The following RABGAP1L variants were observed in gnomAD, a reference collection of about 807,000 sequenced individuals.
RABGAP1L encodes RAB GTPase activating protein 1 like, also known as rab GTPase-activating protein 1-like.
In RABGAP1L, 63 loss-of-function variants were observed where a neutral mutation model predicts 137.7. The observed-to-expected ratio is 0.46, with a 90% confidence interval of 0.37 to 0.56. The LOEUF is 0.56. Among genes scored for constraint, RABGAP1L ranks in the 20% least tolerant of loss-of-function variants. The pLI, the probability that RABGAP1L is intolerant of heterozygous loss-of-function variation, is 0.00. For missense variants in RABGAP1L, 1,095 were observed against 1,244.0 expected (o/e 0.88, Z 1.80); for synonymous variants, 431 against 433.7 (o/e 0.99, Z 0.08).
chr1:174,218,075 A>G (rs1669474776), intron 1 of RABGAP1L, among the ~76,000 whole-genome samples: 1 of 152,044 alleles, frequency 6.6e-6, no homozygotes, highest in South Asian at 2.1e-4. Context: ...CCTCTATCAC[A>G]TTACTCATTT....
At chr1:174,442,244 C>T (rs1457695429) in intron 13 of RABGAP1L, among the ~76,000 whole-genome samples, 2 of 93,910 alleles carry the variant, frequency 2.1e-5, no homozygotes, top group Non-Finnish European at 3.8e-5. Flanking sequence ...TTTTCTTGTA[C>T]TAGAGAATAT....
At chr1:174,305,270 A>G in intron 11 of RABGAP1L, 143 bp downstream of exon 11, 1 of 848,566 alleles carries the variant, frequency 1.2e-6, no homozygotes, top group Non-Finnish European at 1.6e-6. Flanking sequence ...CAAGGTGCAG[A>G]AAAGAATTTG....
At chr1:174,917,212 T>C (rs139819826) in intron 19 of RABGAP1L, among the ~76,000 whole-genome samples, 1 of 152,078 alleles carries the variant, frequency 6.6e-6, no homozygotes, top group East Asian at 1.9e-4. Context: ...AGTATCTCAG[T>C]GTGGGAGTGG....
At chr1:174,618,265 G>T (rs567181143) in intron 13 of RABGAP1L, among the ~76,000 whole-genome samples, 6 of 152,188 alleles carry the variant, frequency 3.9e-5, no homozygotes, top group Admixed American at 1.3e-4. Flanking sequence ...AGACTTAAAT[G>T]TCCCTGTCTG....
At chr1:174,619,587 G>A (rs996117335) in intron 13 of RABGAP1L, among the ~76,000 whole-genome samples, 1 of 152,190 alleles carries the variant, frequency 6.6e-6, no homozygotes, top group Non-Finnish European at 1.5e-5. Context: ...ACAAGCAAAT[G>A]CTGAGAGATT....
intron 13 of RABGAP1L, among the ~76,000 whole-genome samples, chr1:174,580,198 A>G (rs1668632851): frequency 6.6e-6 from 1 of 152,242 alleles, no homozygotes; most frequent in Admixed American, 6.5e-5. Context: ...TGAAAAGGCA[A>G]TCTAGAGAAG....
At chr1:174,254,677 T>C (rs1672974248) in intron 7 of RABGAP1L, among the ~76,000 whole-genome samples, 2 of 152,238 alleles carry the variant, frequency 1.3e-5, no homozygotes, top group Admixed American at 6.5e-5. Context: ...TCATTCTTTT[T>C]TATGGCTGCA....
chr1:174,798,089 A>G (rs1688409660), intron 18 of RABGAP1L, among the ~76,000 whole-genome samples: 2 of 152,010 alleles, frequency 1.3e-5, no homozygotes, highest in Non-Finnish European at 2.9e-5. Flanking sequence ...AGCTGGGAAT[A>G]CAGGCACACA....
At chr1:174,637,531 C>G (rs767619426) in intron 14 of RABGAP1L, 43 bp downstream of exon 14, 7 of 1,406,170 alleles carry the variant, frequency 5.0e-6, no homozygotes, top group Non-Finnish European at 6.0e-6. Flanking sequence ...TTTTACAGAG[C>G]TATATTTTAG....
chr1:174,905,852 A>G (rs980755114), intron 19 of RABGAP1L, among the ~76,000 whole-genome samples: 1 of 152,068 alleles, frequency 6.6e-6, no homozygotes, highest in Non-Finnish European at 1.5e-5. Flanking sequence ...CTCTGTCTAA[A>G]AAAAGAAAAA....
chr1:174,783,707 C>CTTTTTTTTTTTTTTTTTTT (rs34367315), intron 18 of RABGAP1L, among the ~76,000 whole-genome samples: 4 of 102,476 alleles, frequency 3.9e-5, no homozygotes, highest in Non-Finnish European at 5.8e-5. Context: ...TCTTCTTCTT[C>CTTTTTTTTTTTTTTTTTTT]TTTTTTTTTT....
intron 11 of RABGAP1L, among the ~76,000 whole-genome samples, chr1:174,350,037 G>A (rs1682963917): frequency 6.4e-5 from 8 of 125,054 alleles, no homozygotes; most frequent in Non-Finnish European, 1.2e-4. Flanking sequence ...AGGGGCGGCC[G>A]GGCAGAGGCG....
At chr1:174,238,412 G>A (rs1342899426) in intron 4 of RABGAP1L, among the ~76,000 whole-genome samples, 1 of 152,010 alleles carries the variant, frequency 6.6e-6, no homozygotes, top group Non-Finnish European at 1.5e-5. Context: ...ATCTACTTTT[G>A]GTCTTTGATG....
chr1:174,445,351 C>T (rs55669124), intron 13 of RABGAP1L, among the ~76,000 whole-genome samples: 5,275 of 152,172 alleles, frequency 0.035, 118 homozygotes, highest in Middle Eastern at 0.089. Context: ...GTATGTGTAG[C>T]TCAAGCACTT....
intron 19 of RABGAP1L, among the ~76,000 whole-genome samples, chr1:174,869,106 G>A (rs951553348): frequency 6.6e-6 from 1 of 151,788 alleles, no homozygotes; most frequent in African/African-American, 2.4e-5. Context: ...AAATAGTTTT[G>A]CCCCCTGTAC....
chr1:174,868,074 C>T (rs1209762520), intron 19 of RABGAP1L, among the ~76,000 whole-genome samples: 1 of 152,076 alleles, frequency 6.6e-6, no homozygotes, highest in Non-Finnish European at 1.5e-5. Flanking sequence ...TAAGCCTCAG[C>T]CTCCCGAGTA....
intron 13 of RABGAP1L, among the ~76,000 whole-genome samples, chr1:174,610,951 A>G (rs1422247606): frequency 1.3e-5 from 2 of 151,596 alleles, no homozygotes; most frequent in Non-Finnish European, 2.9e-5. Flanking sequence ...GATTCTGGAT[A>G]TTAGCCCTTT....
intron 13 of RABGAP1L, among the ~76,000 whole-genome samples, chr1:174,492,808 G>T (rs1449807835): frequency 6.6e-6 from 1 of 151,846 alleles, no homozygotes; most frequent in African/African-American, 2.4e-5. Context: ...TAAAAATTTT[G>T]ATTTAAATCT....
chr1:174,743,409 T>G (rs181222997), intron 17 of RABGAP1L, among the ~76,000 whole-genome samples: 338 of 152,306 alleles, frequency 2.2e-3, no homozygotes, highest in African/African-American at 7.8e-3. Context: ...AACGTCAATT[T>G]CTATGTTTAT....
Sources: allele counts gnomAD v4.1 joint callset (sites outside exome capture counted in the v4.1 genomes callset), GRCh38; gene constraint gnomAD v4.1.1; transcripts MANE v1.5; gene names NCBI Gene and HGNC (gene_info 2026-07-23, HGNC 2026-07-21).